Variants in PPP4R1 observed in about 807,000 individuals in gnomAD.
PPP4R1 encodes the protein protein phosphatase 4 regulatory subunit 1.
Under a neutral mutation model 111.2 loss-of-function variants are expected in PPP4R1, and 42 were observed. The observed-to-expected ratio is 0.38, with a 90% CI of 0.29 to 0.49. The LOEUF (loss-of-function observed/expected upper bound fraction) is 0.49. Ranked by LOEUF, PPP4R1 falls within the 20% of genes least tolerant of loss-of-function variation. The probability of loss-of-function intolerance (pLI) is 0.97; values close to 1 mark genes in which losing one functional copy is unlikely to be tolerated. For synonymous variants in PPP4R1, 409 were observed against 405.5 expected (o/e 1.01, Z -0.10); for missense variants, 1,012 against 1,161.6 (o/e 0.87, Z 1.87).
At chr18:9,550,024 A>T in intron 18 of PPP4R1, 28 bp downstream of exon 18, 1 of 1,613,780 alleles carries the variant, frequency 6.2e-7, no homozygotes, top group East Asian at 2.2e-5. Flanking sequence ...AAAAACTCAC[A>T]AACAGGTAAG....
At chr18:9,578,744 G>T (rs1422911935) in intron 9 of PPP4R1, among the ~76,000 whole-genome samples, 4 of 151,960 alleles carry the variant, frequency 2.6e-5, no homozygotes, top group African/African-American at 4.8e-5. Flanking sequence ...TGCATGAGAG[G>T]GAAAAGAATA....
chr18:9,594,393 A>C (rs984731367), intron 3 of PPP4R1, among the ~76,000 whole-genome samples: 1 of 152,016 alleles, frequency 6.6e-6, no homozygotes, highest in African/African-American at 2.4e-5. Context: ...ATTTTTTTTT[A>C]ATCTTTATCT....
At chr18:9,597,572 A>G (rs573851962) in intron 2 of PPP4R1, among the ~76,000 whole-genome samples, 1 of 152,356 alleles carries the variant, frequency 6.6e-6, no homozygotes, top group South Asian at 2.1e-4. Context: ...AAGGACAAGG[A>G]CTAGTTTATG....
chr18:9,597,037 G>A (rs557049131), intron 2 of PPP4R1, among the ~76,000 whole-genome samples: 19 of 152,284 alleles, frequency 1.2e-4, no homozygotes, highest in African/African-American at 4.6e-4. Flanking sequence ...GGAGGCTGAA[G>A]CAGGAGGACT....
rs543965574 is a variant in PPP4R1, at chr18:9,569,912, G to C, written c.1573+245C>G. Among the ~76,000 whole-genome samples, 18 of 152,002 alleles carry C rather than the reference G, an allele frequency of 1.2e-4. No homozygotes were observed. The South Asian group carries it at 3.7e-3, about 32-fold the overall frequency. ...CTACAAGCATGTGCCACCATGCCCG[G>C]CTAATTTTTTATTTTTTTGTAGAGA... On this transcript the variant is annotated intron_variant, in intron 11 of 19. Coordinates refer to ENST00000400556, the MANE Select transcript of PPP4R1 (RefSeq NM_001042388.3).
At chr18:9,574,768 C>T (rs1404328839) in intron 10 of PPP4R1, among the ~76,000 whole-genome samples, 1 of 152,156 alleles carries the variant, frequency 6.6e-6, no homozygotes, top group African/African-American at 2.4e-5. Flanking sequence ...GACAAAAGCT[C>T]TGTACTTCCT....
At chr18:9,553,484 A>T in intron 15 of PPP4R1, 62 bp from the exon 16 acceptor site, 1 of 1,105,104 alleles carries the variant, frequency 9.0e-7, no homozygotes, top group Non-Finnish European at 1.3e-6. Flanking sequence ...CTTTTACTAG[A>T]GTGCTTAAAA....
At chr18:9,584,493 C>G (rs1258468269) in intron 8 of PPP4R1, 22 bp downstream of exon 8, 25 of 1,603,138 alleles carry the variant, frequency 1.6e-5, no homozygotes, top group Non-Finnish European at 2.1e-5. Context: ...ACTGTTTACT[C>G]CTTTATATCT....
chr18:9,560,836 T>C (rs2066661895), intron 13 of PPP4R1, among the ~76,000 whole-genome samples: 1 of 151,918 alleles, frequency 6.6e-6, no homozygotes, highest in Non-Finnish European at 1.5e-5. Flanking sequence ...CACTCCAGCC[T>C]GGGTGACAGA....
At chr18:9,606,046 G>C (rs1228518193) in intron 2 of PPP4R1, among the ~76,000 whole-genome samples, 1 of 152,172 alleles carries the variant, frequency 6.6e-6, no homozygotes, top group Non-Finnish European at 1.5e-5. Flanking sequence ...TTTTGTATAG[G>C]TCTGAAAGTT....
chr18:9,614,163 CCG>C lies in PPP4R1; in HGVS notation c.52+61_52+62del. Reference sequence around the variant, plus strand: ...CCAGGGCCCGGCCCAGGCCTCGCCGCCGCCCGCCCTCCCCGGCCGCTCCCCGC... The same window carrying C: ...CCAGGGCCCGGCCCAGGCCTCGCCGCCCCGCCCTCCCCGGCCGCTCCCCGC... On this transcript the variant is annotated intron_variant, in intron 2 of 19. Transcript: ENST00000400556. The surrounding 1 kb of genome is among the most constrained non-coding windows in gnomAD (Gnocchi z 4.1). The C allele has an allele frequency of 7.9e-7, 1 of 1,273,536 alleles. No homozygotes were observed. The highest frequency in any genetic ancestry group is 2.2e-5 in the South Asian group (1 of 46,460). The allele number at this position is 1,273,536 out of a possible 1,614,324, so 78.9% of individuals were successfully genotyped here.
chr18:9,566,118 C>G (rs1281201990), intron 11 of PPP4R1, among the ~76,000 whole-genome samples: 1 of 151,776 alleles, frequency 6.6e-6, no homozygotes, highest in East Asian at 2.0e-4. Context: ...ACCATGTTGG[C>G]CAGGCTGGTC....
intron 2 of PPP4R1, among the ~76,000 whole-genome samples, chr18:9,600,924 A>G (rs1768895877): frequency 6.6e-6 from 1 of 152,116 alleles, no homozygotes; most frequent in Non-Finnish European, 1.5e-5. Context: ...TATTATTATG[A>G]GACAAAATAG....
At chr18:9,578,439 A>C (rs1332359430) in intron 9 of PPP4R1, among the ~76,000 whole-genome samples, 1 of 151,906 alleles carries the variant, frequency 6.6e-6, no homozygotes, top group African/African-American at 2.4e-5. Flanking sequence ...AGTCCTTGCT[A>C]TGTTGCCCAG....
chr18:9,615,439 G>A (rs2067677439), upstream of PPP4R1: 1 of 152,254 alleles, frequency 6.6e-6, no homozygotes, highest in Non-Finnish European at 1.5e-5. Context: ...TTGATGTCTA[G>A]GAGGTGCTCG....
chr18:9,607,657 A>C (rs989140551), intron 2 of PPP4R1, among the ~76,000 whole-genome samples: 1 of 152,186 alleles, frequency 6.6e-6, no homozygotes, highest in African/African-American at 2.4e-5. Flanking sequence ...AGAGTGGCTA[A>C]AATTAAGACT....
At chr18:9,558,752 G>A (rs888950425) in intron 14 of PPP4R1, among the ~76,000 whole-genome samples, 3 of 150,862 alleles carry the variant, frequency 2.0e-5, no homozygotes, top group African/African-American at 7.3e-5. Context: ...AGGAACAGGT[G>A]TGTTCAAAGA....
intron 13 of PPP4R1, among the ~76,000 whole-genome samples, chr18:9,561,090 G>A (rs2066666868): frequency 6.8e-6 from 1 of 148,134 alleles, no homozygotes; most frequent in Admixed American, 6.7e-5. Context: ...ATGGTGGCTC[G>A]CAACTGTAGT....
intron 5 of PPP4R1, 84 bp from the exon 6 acceptor site, chr18:9,588,319 T>G: frequency 7.0e-7 from 1 of 1,436,388 alleles, no homozygotes; most frequent in South Asian, 1.4e-5. Flanking sequence ...CAAAGATTTC[T>G]CATCTCAAAG....
Sources: allele counts gnomAD v4.1 joint callset (sites outside exome capture counted in the v4.1 genomes callset), GRCh38; gene constraint gnomAD v4.1.1; non-coding constraint Gnocchi (gnomAD v3.1); transcripts MANE v1.5; gene names NCBI Gene and HGNC (gene_info 2026-07-23, HGNC 2026-07-21).